Variants in ZMAT4 observed in about 807,000 individuals in gnomAD.
ZMAT4 encodes the protein zinc finger matrin-type protein 4.
ZMAT4 carries 17 observed loss-of-function variants against 28.7 expected under a neutral mutation model. The observed-to-expected ratio is 0.59, with a 90% CI of 0.41 to 0.89. ZMAT4 has a LOEUF of 0.89. ZMAT4 is among the 40% of genes least tolerant of loss of function. The pLI is 0.00. For synonymous variants in ZMAT4, 117 were observed against 109.2 expected (o/e 1.07, Z -0.44); for missense variants, 240 against 283.8 (o/e 0.85, Z 1.11).
chr8:40,574,807 C>T (rs2118520813), intron 6 of ZMAT4, among the ~76,000 whole-genome samples: 1 of 152,310 alleles, frequency 6.6e-6, no homozygotes, highest in Middle Eastern at 3.4e-3. Flanking sequence ...ACTGCAGACA[C>T]CTGTAGTTCT....
intron 2 of ZMAT4, among the ~76,000 whole-genome samples, chr8:40,781,261 T>C (rs1255823554): frequency 6.6e-6 from 1 of 152,028 alleles, no homozygotes. Flanking sequence ...TTAAACAACT[T>C]CATTTCCAAT....
At chr8:40,782,239 A>T (rs1813866198) in intron 2 of ZMAT4, among the ~76,000 whole-genome samples, 1 of 152,074 alleles carries the variant, frequency 6.6e-6, no homozygotes, top group Non-Finnish European at 1.5e-5. Context: ...GATAAAAATT[A>T]GCTGGGCATG....
At chr8:40,616,611 T>G (rs148143525) in intron 5 of ZMAT4, among the ~76,000 whole-genome samples, 2 of 152,194 alleles carry the variant, frequency 1.3e-5, no homozygotes, top group East Asian at 3.9e-4. Context: ...CTGGAAATCA[T>G]CATTCTGAGC....
At chr8:40,775,401 T>C (rs1813549310) in intron 2 of ZMAT4, among the ~76,000 whole-genome samples, 1 of 152,160 alleles carries the variant, frequency 6.6e-6, no homozygotes, top group African/African-American at 2.4e-5. Context: ...CCCACAGGCA[T>C]TTGACAGAGT....
chr8:40,775,338 G>T (rs919214189), intron 2 of ZMAT4, among the ~76,000 whole-genome samples: 4 of 152,220 alleles, frequency 2.6e-5, no homozygotes, highest in Non-Finnish European at 5.9e-5. Flanking sequence ...TGCAGTACAG[G>T]TCAGAGAGGA....
chr8:40,605,683 G>A (rs1322772584), intron 5 of ZMAT4, among the ~76,000 whole-genome samples: 5 of 152,086 alleles, frequency 3.3e-5, no homozygotes, highest in Admixed American at 6.5e-5. Context: ...AAGTCCATTT[G>A]TTCTAGGGTA....
At chr8:40,593,871 C>A (rs1219822564) in intron 5 of ZMAT4, among the ~76,000 whole-genome samples, 3 of 152,108 alleles carry the variant, frequency 2.0e-5, no homozygotes, top group Non-Finnish European at 4.4e-5. Context: ...TTCATTCTCC[C>A]CTGCTTGGAG....
chr8:40,825,547 C>T, intron 2 of ZMAT4, 28 bp downstream of exon 2: 4 of 1,544,886 alleles, frequency 2.6e-6, no homozygotes, highest in Non-Finnish European at 3.5e-6. Flanking sequence ...CCTACATTTG[C>T]AAACAGAGTG....
At chr8:40,865,827 T>G (rs563697661) in intron 1 of ZMAT4, among the ~76,000 whole-genome samples, 23 of 152,174 alleles carry the variant, frequency 1.5e-4, no homozygotes, top group African/African-American at 5.3e-4. Context: ...CATTCTTTCT[T>G]CCCCCCGCCA....
At chr8:40,612,339 AATGCAGG>A (rs1215615852) in intron 5 of ZMAT4, among the ~76,000 whole-genome samples, 1 of 137,558 alleles carries the variant, frequency 7.3e-6, no homozygotes, top group Non-Finnish European at 1.7e-5. Context: ...ATGAGCAGGA[AATGCAGG>A]TTCTATGCCA....
intron 5 of ZMAT4, among the ~76,000 whole-genome samples, chr8:40,669,591 T>C (rs1211372860): frequency 6.6e-6 from 1 of 152,208 alleles, no homozygotes; most frequent in Non-Finnish European, 1.5e-5. Context: ...AAATATATTT[T>C]CTCTTCCTGA....
intron 5 of ZMAT4, among the ~76,000 whole-genome samples, chr8:40,608,922 A>T (rs1367100234): frequency 6.6e-6 from 1 of 152,134 alleles, no homozygotes; most frequent in African/African-American, 2.4e-5. Flanking sequence ...TCACAGTTTT[A>T]CAGCTGTCTC....
At chr8:40,776,748 C>T (rs1813610415) in intron 2 of ZMAT4, among the ~76,000 whole-genome samples, 1 of 152,148 alleles carries the variant, frequency 6.6e-6, no homozygotes, top group Non-Finnish European at 1.5e-5. Flanking sequence ...ACAAAGTTAA[C>T]AAATCCTTCT....
chr8:40,803,178 T>C (rs1158998673), intron 2 of ZMAT4, among the ~76,000 whole-genome samples: 1 of 152,190 alleles, frequency 6.6e-6, no homozygotes, highest in African/African-American at 2.4e-5. Context: ...AATTTTTTAG[T>C]TGCAACACTG....
intron 2 of ZMAT4, among the ~76,000 whole-genome samples, chr8:40,798,568 C>A (rs1586069330): frequency 6.6e-6 from 1 of 152,286 alleles, no homozygotes; most frequent in Admixed American, 6.5e-5. Context: ...TAAATCCACC[C>A]CACTTTAGAG....
chr8:40,612,974 G>A (rs559018861), intron 5 of ZMAT4, among the ~76,000 whole-genome samples: 70 of 151,600 alleles, frequency 4.6e-4, no homozygotes, highest in Middle Eastern at 6.8e-3. Flanking sequence ...CACCAGGGCC[G>A]GCTAATTTTT....
At chr8:40,637,013 G>A (rs1268596449) in intron 5 of ZMAT4, among the ~76,000 whole-genome samples, 1 of 150,394 alleles carries the variant, frequency 6.6e-6, no homozygotes, top group Non-Finnish European at 1.5e-5. Context: ...TAGTTCCTGG[G>A]AAAAAATAAT....
At chr8:40,854,980 A>G (rs1817244773) in intron 1 of ZMAT4, among the ~76,000 whole-genome samples, 1 of 152,202 alleles carries the variant, frequency 6.6e-6, no homozygotes. Flanking sequence ...TTAATGAAAG[A>G]TCAAAATCCA....
chr8:40,629,316 T>C (rs1806486880), intron 5 of ZMAT4, among the ~76,000 whole-genome samples: 1 of 151,968 alleles, frequency 6.6e-6, no homozygotes, highest in Non-Finnish European at 1.5e-5. Flanking sequence ...CCCCTGGACA[T>C]ATTTTCTCAT....
Sources: allele counts gnomAD v4.1 joint callset (sites outside exome capture counted in the v4.1 genomes callset), GRCh38; gene constraint gnomAD v4.1.1; transcripts MANE v1.5; gene names NCBI Gene and HGNC (gene_info 2026-07-23, HGNC 2026-07-21).